The following IGSF10 variants were observed in gnomAD, a reference collection of about 807,000 sequenced individuals.
IGSF10 encodes calvaria mechanical force protein 608.
Under a neutral mutation model 128.2 loss-of-function variants are expected in IGSF10, and 126 were observed. That is an observed-to-expected ratio of 0.98 (90% CI 0.85 to 1.14). IGSF10 has a LOEUF of 1.14. IGSF10 is among the 50% of genes most tolerant of loss of function. IGSF10 has a pLI of 0.00. For synonymous variants in IGSF10, 1,185 were observed against 1,146.2 expected, an observed-to-expected ratio of 1.03 and a Z score of -0.68; for missense variants, 3,295 against 3,149.8, an observed-to-expected ratio of 1.05 and a Z score of -1.10.
the IGSF10 span, among the ~76,000 whole-genome samples, chr3:151,485,385 A>G: frequency 6.6e-6 from 1 of 152,220 alleles, no homozygotes; most frequent in African/African-American, 2.4e-5. Flanking sequence ...TCTTCAGGAT[A>G]TTATCCAGGA....
chr3:151,585,705 T>G, the IGSF10 span, among the ~76,000 whole-genome samples: 2 of 152,158 alleles, frequency 1.3e-5, no homozygotes, highest in African/African-American at 4.8e-5. Flanking sequence ...TGGAAATAGC[T>G]TCACTTATTT....
downstream of IGSF10, chr3:151,433,576 A>T (rs1719769165): frequency 6.6e-6 from 1 of 152,440 alleles, no homozygotes; most frequent in Admixed American, 6.5e-5. Flanking sequence ...AAGGTACAAC[A>T]TGTAAATCCT....
the IGSF10 span, among the ~76,000 whole-genome samples, chr3:151,616,697 T>TGG: frequency 1.3e-5 from 2 of 152,346 alleles, no homozygotes; most frequent in South Asian, 4.1e-4. Context: ...ACAAATAAGT[T>TGG]AACTGATTGA....
At position 151,437,164 on chromosome 3, in the gene IGSF10, C is replaced by T. The variant is rs1455395016; in HGVS notation, c.7397G>A (p.Trp2466Ter). Residue 2466 changes from tryptophan (W) to a stop codon, truncating the protein, a stop_gained, in exon 8 of 8, where the codon TGG becomes TAG. Transcript: ENST00000282466. LOFTEE classifies it low-confidence loss of function (END_TRUNC). ...TACTACATAACCACTTGGCATAGTC[C>T]ATTTGATATTTGGCTTAGGGATTCC... ...SDGIPKPNIK[W>*]TMPSGYVVDR... is the part of the protein sequence containing the mutation. 2.5e-6 allele frequency: 4 copies of T among 1,614,134 alleles called. No individual in the cohort carries two copies. The South Asian group carries it at 3.3e-5, about 13-fold the overall frequency.
At chr3:151,514,448 G>A in the IGSF10 span, among the ~76,000 whole-genome samples, 4 of 152,066 alleles carry the variant, frequency 2.6e-5, no homozygotes, top group African/African-American at 7.2e-5. Flanking sequence ...TCCCTTCTGT[G>A]CACCTTATAC....
Position 151,446,174 on chromosome 3 carries a change from G to C in IGSF10, c.3807C>G (p.Thr1269=), listed in dbSNP as rs142335725. 6.8e-6 allele frequency: 11 copies of C among 1,613,900 alleles called. No individual in the cohort carries two copies. The highest frequency in any genetic ancestry group is 7.6e-6 in the Non-Finnish European group (9 of 1,180,002). Residue 1269 remains threonine (T), a synonymous_variant, in exon 6 of 8, where the codon ACC becomes ACG. Transcript: ENST00000282466. The part of the protein sequence containing the change: ...VMQIPSNTLT[T]AHHTTTKTHN... ...GTGTTTTGGTCGTAGTGTGGTGAGC[G>C]GTAGTCAAGGTATTAGATGGAATTT...
the IGSF10 span, among the ~76,000 whole-genome samples, chr3:151,537,914 G>A: frequency 1.3e-5 from 2 of 152,090 alleles, no homozygotes; most frequent in Non-Finnish European, 2.9e-5. Context: ...CGTTCTTTCT[G>A]TTCCCCAAGA....
intron 1 of IGSF10, among the ~76,000 whole-genome samples, chr3:151,460,627 T>TC (rs1389654690): frequency 1.3e-5 from 2 of 152,258 alleles, no homozygotes; most frequent in African/African-American, 4.8e-5. Flanking sequence ...CTACTACTAA[T>TC]CACTCCATTT....
chr3:151,572,350 T>C, the IGSF10 span, among the ~76,000 whole-genome samples: 3 of 152,250 alleles, frequency 2.0e-5, no homozygotes, highest in Admixed American at 6.5e-5. Context: ...CATCTGGACC[T>C]GGACTTTTTT....
At chr3:151,522,589 C>A in the IGSF10 span, among the ~76,000 whole-genome samples, 28 of 152,208 alleles carry the variant, frequency 1.8e-4, no homozygotes, top group East Asian at 5.2e-3. Context: ...AAAGTAAAAA[C>A]CACACAATTA....
upstream of IGSF10, among the ~76,000 whole-genome samples, chr3:151,463,813 C>T (rs1287921200): frequency 2.0e-5 from 3 of 151,476 alleles, no homozygotes; most frequent in Non-Finnish European, 2.9e-5. Context: ...TGGTGAAACC[C>T]CGTCTCTACA....
Position 151,447,567 on chromosome 3 carries a change from T to C in IGSF10, c.2414A>G (p.Glu805Gly). Residue 805 changes from glutamate to glycine, a missense_variant, in exon 6 of 8, where the codon GAA becomes GGA. Coordinates refer to ENST00000282466, the MANE Select transcript of IGSF10 (RefSeq NM_178822.5). ...DSSGMLALHE[E>G]FMVPATKALN... ...AGCTTTAGTGGCCGGGACCATAAAT[T>C]CCTCATGTAGAGCGAGCATGCCTGA... 1 of 1,614,142 alleles carries C rather than the reference T, an allele frequency of 6.2e-7. No homozygotes were observed. The highest frequency in any genetic ancestry group is 8.5e-7 in the Non-Finnish European group (1 of 1,180,018).
At chr3:151,466,120 GT>G in the IGSF10 span, among the ~76,000 whole-genome samples, 7 of 151,966 alleles carry the variant, frequency 4.6e-5, no homozygotes, top group South Asian at 4.1e-4. Flanking sequence ...TTCATGAATC[GT>G]TTTTTTCCTT....
upstream of IGSF10, among the ~76,000 whole-genome samples, chr3:151,465,817 G>A (rs979799130): frequency 4.6e-5 from 7 of 152,202 alleles, no homozygotes; most frequent in African/African-American, 1.2e-4. Context: ...TGGATGAACT[G>A]TAATCTAATT....
the IGSF10 span, among the ~76,000 whole-genome samples, chr3:151,561,328 C>G: frequency 6.6e-6 from 1 of 152,164 alleles, no homozygotes; most frequent in Non-Finnish European, 1.5e-5. Context: ...AAATAGTTCT[C>G]TAAATGAGAA....
the IGSF10 span, among the ~76,000 whole-genome samples, chr3:151,599,264 C>G: frequency 1.4e-5 from 2 of 146,828 alleles, no homozygotes; most frequent in East Asian, 2.1e-4. Flanking sequence ...CTGGGGTGGG[C>G]GGGGCTGAGG....
chr3:151,512,992 A>C, the IGSF10 span, among the ~76,000 whole-genome samples: 4 of 152,222 alleles, frequency 2.6e-5, no homozygotes, highest in African/African-American at 9.6e-5. Flanking sequence ...AACCAAAAAA[A>C]GTCCAGGACC....
chr3:151,440,263 C>A (rs1437352004), intron 7 of IGSF10, among the ~76,000 whole-genome samples: 1 of 152,132 alleles, frequency 6.6e-6, no homozygotes, highest in East Asian at 1.9e-4. Context: ...CTTCTGGGTT[C>A]CAGCGATCCT....
At chr3:151,563,312 G>A in the IGSF10 span, among the ~76,000 whole-genome samples, 26 of 152,160 alleles carry the variant, frequency 1.7e-4, no homozygotes, top group African/African-American at 6.0e-4. Context: ...AGGGCATCCT[G>A]CCTACACTTT....
Sources: gnomAD v4.1 joint callset for allele counts (sites outside exome capture counted in the v4.1 genomes callset) on GRCh38, gnomAD v4.1.1 for gene constraint, MANE v1.5 for transcripts, NCBI Gene and HGNC (gene_info 2026-07-23, HGNC 2026-07-21) for gene names.